STK32B: variants seen among roughly 807,000 people sequenced by gnomAD.
STK32B encodes serine/threonine kinase 32B, also known as serine/threonine-protein kinase 32B.
Under a neutral mutation model 52.6 loss-of-function variants are expected in STK32B, and 43 were observed. The observed-to-expected ratio is 0.82, with a 90% CI of 0.64 to 1.05. STK32B has a LOEUF of 1.05. STK32B is among the 50% of genes least tolerant of loss of function. The pLI, the probability that STK32B is intolerant of heterozygous loss-of-function variation, is 0.00. For synonymous variants in STK32B, 238 were observed against 204.3 expected (o/e 1.17, Z -1.41); for missense variants, 621 against 534.6 (o/e 1.16, Z -1.59).
At chr4:5,153,491 C>A (rs1577112264) in intron 2 of STK32B, among the ~76,000 whole-genome samples, 1 of 148,274 alleles carries the variant, frequency 6.7e-6, no homozygotes, top group Admixed American at 6.7e-5. Context: ...ATTTGGTAAA[C>A]TTCAACATTC....
At chr4:5,302,273 C>T (rs1729614131) in intron 3 of STK32B, among the ~76,000 whole-genome samples, 1 of 150,782 alleles carries the variant, frequency 6.6e-6, no homozygotes, top group Non-Finnish European at 1.5e-5. Flanking sequence ...CATTTTTCCT[C>T]ATTTGTTTTA....
intron 3 of STK32B, among the ~76,000 whole-genome samples, chr4:5,291,995 G>A (rs901210083): frequency 5.9e-5 from 9 of 152,010 alleles, no homozygotes; most frequent in Non-Finnish European, 1.0e-4. Flanking sequence ...GTTTTACCAC[G>A]TTTTCTTTAT....
chr4:5,272,655 G>A (rs553337449), intron 3 of STK32B, among the ~76,000 whole-genome samples: 2 of 152,158 alleles, frequency 1.3e-5, no homozygotes, highest in Admixed American at 1.3e-4. Context: ...ATAGATCAAT[G>A]GAACAGAACA....
At chr4:5,327,076 C>G (rs925795646) in intron 3 of STK32B, among the ~76,000 whole-genome samples, 6 of 152,052 alleles carry the variant, frequency 3.9e-5, no homozygotes, top group Non-Finnish European at 7.3e-5. Flanking sequence ...GGGGAAACAA[C>G]TCAACTCCTC....
intron 2 of STK32B, among the ~76,000 whole-genome samples, chr4:5,154,126 A>G (rs1237008607): frequency 6.6e-6 from 1 of 152,020 alleles, no homozygotes; most frequent in Non-Finnish European, 1.5e-5. Flanking sequence ...TATGTTATTG[A>G]TGAAAGAATA....
intron 1 of STK32B, among the ~76,000 whole-genome samples, chr4:5,090,763 G>T (rs1364697865): frequency 2.0e-5 from 3 of 152,138 alleles, no homozygotes; most frequent in Non-Finnish European, 4.4e-5. Flanking sequence ...ACCATTTGCT[G>T]AACAGGAGAT....
At chr4:5,231,009 T>C (rs778730110) in intron 3 of STK32B, among the ~76,000 whole-genome samples, 15 of 152,218 alleles carry the variant, frequency 9.9e-5, no homozygotes, top group Non-Finnish European at 2.2e-4. Flanking sequence ...AAGAAAGTTA[T>C]AACCTGCAGA....
At chr4:5,365,182 ATAT>A (rs1189454911) in intron 4 of STK32B, among the ~76,000 whole-genome samples, 1 of 152,186 alleles carries the variant, frequency 6.6e-6, no homozygotes, top group Non-Finnish European at 1.5e-5. Context: ...GGGCCAAAAA[ATAT>A]TATCTCTTTA....
chr4:5,210,234 T>TTTC (rs977389490), intron 3 of STK32B, among the ~76,000 whole-genome samples: 6 of 151,860 alleles, frequency 4.0e-5, no homozygotes, highest in South Asian at 2.1e-4. Flanking sequence ...CCTCCTCCTC[T>TTTC]TTCTTCTTCT....
intron 2 of STK32B, among the ~76,000 whole-genome samples, chr4:5,158,348 G>A (rs532629032): frequency 6.6e-4 from 101 of 152,240 alleles, no homozygotes; most frequent in African/African-American, 2.3e-3. Context: ...GAAGTTTCCT[G>A]ACACTGTGAT....
intron 1 of STK32B, among the ~76,000 whole-genome samples, chr4:5,077,052 C>G (rs1712122416): frequency 6.6e-6 from 1 of 152,126 alleles, no homozygotes; most frequent in Non-Finnish European, 1.5e-5. Flanking sequence ...GTGGAGGACT[C>G]CAGATTATCC....
At chr4:5,199,925 A>G (rs1721998761) in intron 3 of STK32B, among the ~76,000 whole-genome samples, 1 of 152,178 alleles carries the variant, frequency 6.6e-6, no homozygotes, top group Admixed American at 6.5e-5. Context: ...CTTTCTGATA[A>G]TGAATATGTT....
rs528737727 is a variant in STK32B at position 5,225,399 on chromosome 4, T to G, written c.260+56949T>G. ...TCCAGCCTGGGTGACAGAGTAAGAC[T>G]CCGTCTCGAAAAAAAATAAAATAAA... On this transcript the variant is annotated intron_variant, in intron 3 of 11. Transcript: ENST00000282908. Among the ~76,000 whole-genome samples, 10 of 152,072 alleles carry G rather than the reference T, an allele frequency of 6.6e-5. No individual in the cohort carries two copies. In the Middle Eastern group the frequency reaches 0.014, roughly 207 times the overall value.
intron 3 of STK32B, among the ~76,000 whole-genome samples, chr4:5,284,572 CG>C (rs1056739858): frequency 2.0e-5 from 3 of 151,986 alleles, no homozygotes; most frequent in Non-Finnish European, 4.4e-5. Flanking sequence ...AGACCGTACA[CG>C]GGGACATTCA....
intron 3 of STK32B, among the ~76,000 whole-genome samples, chr4:5,266,640 G>A (rs894181290): frequency 1.1e-4 from 16 of 152,194 alleles, no homozygotes; most frequent in Admixed American, 2.0e-4. Context: ...TATTAATTGA[G>A]TATTTTACCT....
intron 4 of STK32B, among the ~76,000 whole-genome samples, chr4:5,348,045 A>G (rs1365844288): frequency 6.6e-6 from 1 of 152,218 alleles, no homozygotes; most frequent in Admixed American, 6.5e-5. Flanking sequence ...ACAGGAGTTC[A>G]ACAGAAAAGT....
chr4:5,241,322 G>A (rs573594239), intron 3 of STK32B, among the ~76,000 whole-genome samples: 84 of 152,208 alleles, frequency 5.5e-4, no homozygotes, highest in Non-Finnish European at 1.0e-3. Flanking sequence ...TTTGAGGATC[G>A]TTGCCCCATG....
rs904707353 is a variant in STK32B at position 5,395,064 on chromosome 4, T to C, written c.435-3143T>C. 2.0e-5 allele frequency among the ~76,000 whole-genome samples: 3 copies of C among 152,152 alleles called. No homozygotes were observed. The highest frequency in any genetic ancestry group is 7.2e-5 in the African/African-American group (3 of 41,436). On this transcript the variant is annotated intron_variant, in intron 4 of 11. Coordinates refer to ENST00000282908, the MANE Select transcript of STK32B (RefSeq NM_018401.3). The surrounding 1 kb of genome is among the most constrained non-coding windows in gnomAD (Gnocchi z 4.4). ...GGTTGTTGGCAGATTTCAGCTCTTA[T>C]GGCTGCAGGACTGGGGTCCCGTTTT...
In STK32B at chr4:5,489,621, A is replaced by ATTTTTTTTTTTTTTTTTTTTTTTTTTTTT. The variant is rs1193462359; in HGVS notation, c.1107-9318_1107-9317insTTTTTTTTTTTTTTTTTTTTTTTTTTTTT. Among the ~76,000 whole-genome samples the ATTTTTTTTTTTTTTTTTTTTTTTTTTTTT allele has an allele frequency of 4.0e-5, 6 of 151,704 alleles. No homozygotes were observed. The East Asian group carries it at 1.2e-3, about 30-fold the overall frequency. On this transcript the variant is annotated intron_variant, in intron 11 of 11. Coordinates refer to ENST00000282908, the MANE Select transcript of STK32B (RefSeq NM_018401.3). ...ACAACAATTTTATTTTATTTTATTT[A>ATTTTTTTTTTTTTTTTTTTTTTTTTTTTT]TTTTTTATTATTTTTTTTGAGATGG...
Sources: gnomAD v4.1 joint callset for allele counts (sites outside exome capture counted in the v4.1 genomes callset) on GRCh38, gnomAD v4.1.1 for gene constraint, Gnocchi (gnomAD v3.1) non-coding constraint, MANE v1.5 for transcripts, NCBI Gene and HGNC (gene_info 2026-07-23, HGNC 2026-07-21) for gene names.